Variants in PPP4R2 observed in about 807,000 individuals in gnomAD.
PPP4R2 encodes protein phosphatase 4 regulatory subunit 2, also known as serine/threonine-protein phosphatase 4 regulatory subunit 2.
A neutral mutation model predicts 47.2 loss-of-function variants in PPP4R2; 13 were observed. That is an observed-to-expected ratio of 0.28 (90% confidence interval 0.18 to 0.44). PPP4R2 has a LOEUF of 0.44. Ranked by LOEUF, PPP4R2 falls within the 20% of genes least tolerant of loss-of-function variation. The pLI, the probability that PPP4R2 is intolerant of heterozygous loss-of-function variation, is 1.00. For synonymous variants in PPP4R2, 151 were observed against 163.3 expected (o/e 0.92, Z 0.57); for missense variants, 421 against 491.2 (o/e 0.86, Z 1.35).
At chr3:73,056,530 G>T (rs1171380131) in intron 3 of PPP4R2, among the ~76,000 whole-genome samples, 1 of 141,424 alleles carries the variant, frequency 7.1e-6, no homozygotes, top group African/African-American at 2.4e-5. Flanking sequence ...AGCCTGTCGT[G>T]TGAGAAAAGG....
At position 73,062,274 on chromosome 3, in the gene PPP4R2, A is replaced by G. The variant is rs116543903; in HGVS notation, c.419+1214A>G. On this transcript the variant is annotated intron_variant, in intron 5 of 8. Coordinates refer to ENST00000356692, the MANE Select transcript of PPP4R2 (RefSeq NM_174907.4). ...GCCCAGCAGCCCAGGAGATGACGCA[A>G]TGGACAGGAGTGGGCTCCCTGACCT... 526 of 1,605,670 alleles carry G rather than the reference A, an allele frequency of 3.3e-4. 3 individuals are homozygous for G. In the African/African-American group the frequency reaches 5.4e-3, roughly 17 times the overall value.
intron 2 of PPP4R2, among the ~76,000 whole-genome samples, chr3:73,029,907 A>G (rs1034169301): frequency 6.6e-6 from 1 of 152,246 alleles, no homozygotes; most frequent in Non-Finnish European, 1.5e-5. Context: ...AAAATTGTCC[A>G]CTAACCAGTG....
chr3:73,054,546 C>T (rs991911610), intron 3 of PPP4R2, among the ~76,000 whole-genome samples: 2 of 151,990 alleles, frequency 1.3e-5, no homozygotes, highest in Non-Finnish European at 2.9e-5. Flanking sequence ...CTAATGTGGT[C>T]ATTTAGTCAG....
intron 2 of PPP4R2, among the ~76,000 whole-genome samples, chr3:73,021,657 C>G (rs1235360509): frequency 6.6e-6 from 1 of 151,918 alleles, no homozygotes; most frequent in Non-Finnish European, 1.5e-5. Context: ...TTGTGTAATT[C>G]CTGATTTTAC....
chr3:73,023,856 A>G (rs758060354), intron 2 of PPP4R2, among the ~76,000 whole-genome samples: 1 of 152,192 alleles, frequency 6.6e-6, no homozygotes, highest in Non-Finnish European at 1.5e-5. Flanking sequence ...TTTTTCAGGT[A>G]TAATATACTT....
chr3:73,028,118 G>A lies in PPP4R2; in HGVS notation c.117-19068G>A, dbSNP rs185380980. ...CTAAAAATACAAAAATTAGCCAGGC[G>A]TGGTGGCACACGCCTGTCATCCTAG... On this transcript the variant is annotated intron_variant, in intron 2 of 8. Coordinates refer to ENST00000356692, the MANE Select transcript of PPP4R2 (RefSeq NM_174907.4). Among the ~76,000 whole-genome samples the A allele has an allele frequency of 4.2e-3, 630 of 151,700 alleles. 4 individuals are homozygous for A. The highest frequency in any genetic ancestry group is 0.014 in the African/African-American group (594 of 41,362).
chr3:73,062,623 C>G, intron 5 of PPP4R2: 1 of 1,613,998 alleles, frequency 6.2e-7, no homozygotes, highest in African/African-American at 1.3e-5. Flanking sequence ...GAGAAGTCAT[C>G]AGTTCTCCGC....
rs7612405 is a variant in PPP4R2, at chr3:73,037,987, T to C, written c.117-9199T>C. Reference sequence around the variant, plus strand: ...TTTCTTCAGGACTTGCTAACTGCTGTTGACCTTCATGTTAGGGCTGAGTTG... The same window carrying C: ...TTTCTTCAGGACTTGCTAACTGCTGCTGACCTTCATGTTAGGGCTGAGTTG... On this transcript the variant is annotated intron_variant, in intron 2 of 8. Transcript: ENST00000356692. Among the ~76,000 whole-genome samples the C allele has an allele frequency of 5.6e-3, 847 of 152,344 alleles. 10 individuals are homozygous for C. The highest frequency in any genetic ancestry group is 0.02 in the African/African-American group (813 of 41,574).
In PPP4R2 at chr3:73,002,634, C is replaced by CTT. The variant is rs1173734970; in HGVS notation, c.116+4500_116+4501dup. Among the ~76,000 whole-genome samples the CTT allele has an allele frequency of 6.9e-3, 283 of 41,150 alleles. 13 individuals carry two copies. Among genetic ancestry groups the CTT allele is most frequent in the African/African-American group, 0.029 (249 of 8,550 alleles). The allele number at this position is 41,150 out of a possible 152,430, so 27.0% of individuals were successfully genotyped here. A position where few individuals can be genotyped will look rare whatever the true frequency, so the allele number is the denominator to read the frequency against. ...CTTTTCTTTTCTTTTCTTTTCTTTT[C>CTT]TTTTTTTTTTTTTTTTTTTTTTTTT... On this transcript the variant is annotated intron_variant, in intron 2 of 8. Transcript: ENST00000356692.
chr3:73,011,421 C>T (rs983469513), intron 2 of PPP4R2, among the ~76,000 whole-genome samples: 16 of 152,056 alleles, frequency 1.1e-4, no homozygotes, highest in African/African-American at 2.4e-5. Flanking sequence ...GCAGAGGTTG[C>T]AGTGAGCCAA....
chr3:73,062,572 A>T (rs1362437174), intron 5 of PPP4R2: 1 of 1,614,036 alleles, frequency 6.2e-7, no homozygotes. Flanking sequence ...GGTACTCCTT[A>T]TGCTAGCAGA....
At chr3:73,012,946 G>A (rs1413550194) in intron 2 of PPP4R2, among the ~76,000 whole-genome samples, 1 of 148,564 alleles carries the variant, frequency 6.7e-6, no homozygotes, top group Admixed American at 6.8e-5. Flanking sequence ...GTGAATACTA[G>A]TGGTGAATTT....
In PPP4R2 at chr3:72,998,791, A is replaced by G. The variant is rs115810280; in HGVS notation, c.116+633A>G. 3.1e-3 allele frequency among the ~76,000 whole-genome samples: 474 copies of G among 152,280 alleles called. 5 individuals are homozygous for G. The highest frequency in any genetic ancestry group is 0.011 in the African/African-American group (448 of 41,560). ...AAAGTTAGGGCTGTGTTCAGAAGGA[A>G]CATTCCAGGTCATTGTTTTGCAGTT... On this transcript the variant is annotated intron_variant, in intron 2 of 8. Transcript: ENST00000356692.
intron 2 of PPP4R2, among the ~76,000 whole-genome samples, chr3:73,026,995 C>G (rs1406126972): frequency 6.6e-6 from 1 of 152,148 alleles, no homozygotes; most frequent in Non-Finnish European, 1.5e-5. Flanking sequence ...GAGAGTAGTA[C>G]CACCCAACTC....
chr3:73,034,397 C>T (rs1257422420), intron 2 of PPP4R2, among the ~76,000 whole-genome samples: 1 of 152,214 alleles, frequency 6.6e-6, no homozygotes, highest in African/African-American at 2.4e-5. Context: ...ATTACTCAGG[C>T]TATGGAGATT....
rs377583472 is a variant in PPP4R2, at chr3:73,036,376, A to C, written c.117-10810A>C. ...GTTAACAATTTATTGTATATTTCAAAATAGCTAGAGAAGATTTGAAATGTT... is the reference window on the plus strand; with the variant it reads ...GTTAACAATTTATTGTATATTTCAACATAGCTAGAGAAGATTTGAAATGTT... On this transcript the variant is annotated intron_variant, in intron 2 of 8. Transcript: ENST00000356692. 8.5e-5 allele frequency among the ~76,000 whole-genome samples: 13 copies of C among 152,344 alleles called. No homozygotes were observed. In the East Asian group the frequency reaches 1.2e-3, roughly 14 times the overall value.
chr3:73,008,492 C>T (rs1701659564), intron 2 of PPP4R2, among the ~76,000 whole-genome samples: 2 of 152,058 alleles, frequency 1.3e-5, no homozygotes, highest in Admixed American at 1.3e-4. Context: ...TTAGTTTTTA[C>T]TAGTCGTTGG....
intron 2 of PPP4R2, among the ~76,000 whole-genome samples, chr3:72,999,865 T>C (rs1340162478): frequency 6.6e-6 from 1 of 152,224 alleles, no homozygotes; most frequent in Non-Finnish European, 1.5e-5. Flanking sequence ...TTTTTTATTT[T>C]ATTATGTAAA....
intron 5 of PPP4R2, chr3:73,062,955 C>G: frequency 1.4e-6 from 2 of 1,481,468 alleles, no homozygotes; most frequent in African/African-American, 1.4e-5. Flanking sequence ...GTTTCTAGAT[C>G]AGTGCATGGA....
Sources: gnomAD v4.1 joint callset for allele counts (sites outside exome capture counted in the v4.1 genomes callset) on GRCh38, gnomAD v4.1.1 for gene constraint, MANE v1.5 for transcripts, NCBI Gene and HGNC (gene_info 2026-07-23, HGNC 2026-07-21) for gene names.